Variants in LRRC4C observed in about 807,000 individuals in gnomAD.
LRRC4C encodes the protein leucine rich repeat containing 4C, also known as leucine-rich repeat-containing protein 4C.
A neutral mutation model predicts 33.6 loss-of-function variants in LRRC4C; 5 were observed. The ratio of observed to expected loss-of-function variants is 0.15; its 90% CI spans 0.08 to 0.31. The LOEUF (loss-of-function observed/expected upper bound fraction) is 0.31. LRRC4C is among the 10% of genes least tolerant of loss of function. The probability of loss-of-function intolerance (pLI) is 1.00; values close to 1 mark genes in which losing one functional copy is unlikely to be tolerated. For synonymous variants in LRRC4C, 329 were observed against 302.0 expected, an observed-to-expected ratio of 1.09 and a Z score of -0.93; for missense variants, 560 against 796.7, an observed-to-expected ratio of 0.70 and a Z score of 3.58.
chr11:40,693,771 A>C (rs142705174), intron 2 of LRRC4C, among the ~76,000 whole-genome samples: 45 of 152,220 alleles, frequency 3.0e-4, no homozygotes, highest in African/African-American at 1.1e-3. Flanking sequence ...TCATCTTAAA[A>C]AATTATCCAG....
At chr11:40,600,237 T>C (rs1959844846) in intron 3 of LRRC4C, among the ~76,000 whole-genome samples, 1 of 152,216 alleles carries the variant, frequency 6.6e-6, no homozygotes, top group Non-Finnish European at 1.5e-5. Context: ...GTGTTCCAGA[T>C]ACTATGCTAA....
intron 1 of LRRC4C, among the ~76,000 whole-genome samples, chr11:41,342,758 T>C (rs368479256): frequency 6.6e-6 from 1 of 152,086 alleles, no homozygotes; most frequent in East Asian, 1.9e-4. Context: ...TCACTTACAG[T>C]GTATTTTGTC....
At chr11:41,001,577 GTT>G (rs1400754883) in intron 1 of LRRC4C, among the ~76,000 whole-genome samples, 11 of 151,090 alleles carry the variant, frequency 7.3e-5, no homozygotes, top group Non-Finnish European at 1.6e-4. Context: ...AATCTGGTCT[GTT>G]TTGTCTGACA....
At position 41,373,019 on chromosome 11, in the gene LRRC4C, T is replaced by A. The variant is rs1053243514; in HGVS notation, c.-496+86412A>T. 3.3e-5 allele frequency among the ~76,000 whole-genome samples: 5 copies of A among 152,266 alleles called. No individual in the cohort carries two copies. In the East Asian group the frequency reaches 9.6e-4, roughly 29 times the overall value. ...GAATACTTTTCCATTTTTGTACAGC[T>A]ATGACTATTCTAACACATCCATTTA... is the stretch of plus-strand genomic sequence containing the variant. On this transcript the variant is annotated intron_variant, in intron 1 of 6. Transcript: ENST00000528697.
chr11:41,325,022 G>A (rs1291706104), intron 1 of LRRC4C, among the ~76,000 whole-genome samples: 1 of 152,136 alleles, frequency 6.6e-6, no homozygotes, highest in Non-Finnish European at 1.5e-5. Flanking sequence ...TTCATGTTGA[G>A]TGAAAACCAT....
intron 1 of LRRC4C, among the ~76,000 whole-genome samples, chr11:41,225,674 A>G (rs923643900): frequency 6.6e-6 from 1 of 152,210 alleles, no homozygotes; most frequent in African/African-American, 2.4e-5. Context: ...TCATATATAA[A>G]CATTTTTTAA....
At chr11:41,020,761 C>A (rs1227677696) in intron 1 of LRRC4C, among the ~76,000 whole-genome samples, 2 of 151,594 alleles carry the variant, frequency 1.3e-5, no homozygotes, top group African/African-American at 2.4e-5. Flanking sequence ...ATGTGCTTAA[C>A]CCTATCTCAC....
chr11:40,589,445 T>G (rs1410988450), intron 3 of LRRC4C, among the ~76,000 whole-genome samples: 1 of 152,166 alleles, frequency 6.6e-6, no homozygotes, highest in African/African-American at 2.4e-5. Context: ...TGGCAGTCTG[T>G]GTCTTTTAAT....
At chr11:40,189,029 C>G (rs118104277) in intron 5 of LRRC4C, among the ~76,000 whole-genome samples, 2 of 152,280 alleles carry the variant, frequency 1.3e-5, no homozygotes, top group Non-Finnish European at 2.9e-5. Context: ...TGTGTGTCAA[C>G]AAAACCAGTC....
intron 6 of LRRC4C, among the ~76,000 whole-genome samples, chr11:40,121,481 C>T (rs763221935): frequency 2.6e-5 from 4 of 152,198 alleles, no homozygotes; most frequent in Admixed American, 6.5e-5. Context: ...TCTTCAACAT[C>T]TCTTTCATGA....
chr11:41,064,483 C>T (rs1355395797), intron 1 of LRRC4C, among the ~76,000 whole-genome samples: 1 of 152,176 alleles, frequency 6.6e-6, no homozygotes, highest in Non-Finnish European at 1.5e-5. Flanking sequence ...TTGCAGAGTA[C>T]ACTGGAACAG....
At chr11:40,667,868 C>T (rs1260246437) in intron 2 of LRRC4C, among the ~76,000 whole-genome samples, 6 of 152,142 alleles carry the variant, frequency 3.9e-5, no homozygotes, top group African/African-American at 7.2e-5. Flanking sequence ...AAGCTGTGCC[C>T]GGACTCTGAA....
At chr11:40,834,280 T>C (rs1178894104) in intron 2 of LRRC4C, among the ~76,000 whole-genome samples, 1 of 151,924 alleles carries the variant, frequency 6.6e-6, no homozygotes, top group African/African-American at 2.4e-5. Context: ...GAGACCAGCC[T>C]GCCAACATGG....
intron 3 of LRRC4C, among the ~76,000 whole-genome samples, chr11:40,511,005 GA>G (rs1286738869): frequency 6.6e-6 from 1 of 152,210 alleles, no homozygotes; most frequent in Non-Finnish European, 1.5e-5. Context: ...AATGGTTTCA[GA>G]GGGCAAAAAT....
chr11:40,542,038 TTCTTTCTCTTTC>T lies in LRRC4C; in HGVS notation c.-270+106092_-270+106103del, dbSNP rs945495586. On this transcript the variant is annotated intron_variant, in intron 3 of 6. Transcript: ENST00000528697. ...TTCTTCCTTTCCTTTCTCTTTCTCT[TTCTTTCTCTTTC>T]TCTCTTTCTTTCTTTCTCTCTCTCT... Among the ~76,000 whole-genome samples, 76 of 129,316 alleles carry T rather than the reference TTCTTTCTCTTTC, an allele frequency of 5.9e-4. 1 individual carries two copies. The highest frequency in any genetic ancestry group is 4.2e-3 in the Middle Eastern group (1 of 240). The allele number at this position is 129,316 out of a possible 152,430, so 84.8% of individuals were successfully genotyped here.
chr11:40,246,185 G>A (rs562662803), intron 4 of LRRC4C, among the ~76,000 whole-genome samples: 4 of 151,978 alleles, frequency 2.6e-5, no homozygotes, highest in African/African-American at 9.7e-5. Context: ...TGTTGGCCAG[G>A]CTGGTCTTGA....
chr11:40,792,260 A>C (rs965634301), intron 2 of LRRC4C, among the ~76,000 whole-genome samples: 1 of 152,192 alleles, frequency 6.6e-6, no homozygotes, highest in African/African-American at 2.4e-5. Context: ...GAGTAAAAAA[A>C]AAATGAACAA....
Position 41,300,501 on chromosome 11 carries a change from A to C in LRRC4C, c.-496+158930T>G, listed in dbSNP as rs577946149. On this transcript the variant is annotated intron_variant, in intron 1 of 6. Transcript: ENST00000528697. ...CACAGATTCTACCACAGGTCACTGA[A>C]CTCTGGAACTAACGTCCTCTCTTCA... is the stretch of plus-strand genomic sequence containing the variant. 1.1e-3 allele frequency among the ~76,000 whole-genome samples: 165 copies of C among 152,276 alleles called. 1 individual carries two copies. Among genetic ancestry groups the C allele is most frequent in the African/African-American group, 3.8e-3 (159 of 41,550 alleles).
intron 1 of LRRC4C, among the ~76,000 whole-genome samples, chr11:41,183,292 A>G (rs1379481117): frequency 1.3e-5 from 2 of 152,160 alleles, no homozygotes; most frequent in African/African-American, 4.8e-5. Context: ...CTAAAGTCTC[A>G]TCCAAGACAA....
Sources: allele counts gnomAD v4.1 joint callset (sites outside exome capture counted in the v4.1 genomes callset), GRCh38; gene constraint gnomAD v4.1.1; transcripts MANE v1.5; gene names NCBI Gene and HGNC (gene_info 2026-07-23, HGNC 2026-07-21).